NAALADL2: variants seen among roughly 807,000 people sequenced by gnomAD.
The protein encoded by NAALADL2 is inactive N-acetylated-alpha-linked acidic dipeptidase-like protein 2.
NAALADL2 carries 76 observed loss-of-function variants against 87.2 expected under a neutral mutation model. The ratio of observed to expected loss-of-function variants is 0.87; its 90% CI spans 0.72 to 1.05. The LOEUF (loss-of-function observed/expected upper bound fraction) is 1.05, where lower values mean the gene tolerates loss of function less well. NAALADL2 is among the 50% of genes least tolerant of loss of function. The pLI, the probability that NAALADL2 is intolerant of heterozygous loss-of-function variation, is 0.00. For synonymous variants in NAALADL2, 354 were observed against 331.0 expected, an observed-to-expected ratio of 1.07 and a Z score of -0.75; for missense variants, 1,089 against 945.8, an observed-to-expected ratio of 1.15 and a Z score of -1.99.
chr3:175,077,913 A>G (rs918572992), intron 1 of NAALADL2, among the ~76,000 whole-genome samples: 1 of 152,142 alleles, frequency 6.6e-6, no homozygotes, highest in Non-Finnish European at 1.5e-5. Context: ...TGAGACTGGA[A>G]TATATAGTTT....
chr3:174,845,458 G>T (rs1225063867), intron 3 of NAALADL2, among the ~76,000 whole-genome samples: 1 of 152,194 alleles, frequency 6.6e-6, no homozygotes. Flanking sequence ...GGCACCTCTT[G>T]GCTGGCTGTC....
At chr3:175,606,387 C>CTTTTTTTT (rs372448967) in intron 10 of NAALADL2, among the ~76,000 whole-genome samples, 1 of 147,444 alleles carries the variant, frequency 6.8e-6, no homozygotes, top group Non-Finnish European at 1.5e-5. Context: ...AGAAACTAGC[C>CTTTTTTTT]TTTTTTTTTT....
At chr3:175,508,280 G>A (rs1299740419) in intron 9 of NAALADL2, among the ~76,000 whole-genome samples, 1 of 152,034 alleles carries the variant, frequency 6.6e-6, no homozygotes, top group Non-Finnish European at 1.5e-5. Flanking sequence ...GATTTGGTGG[G>A]GACACACATT....
intron 1 of NAALADL2, among the ~76,000 whole-genome samples, chr3:174,993,215 C>G (rs1746978898): frequency 6.6e-6 from 1 of 151,808 alleles, no homozygotes; most frequent in Non-Finnish European, 1.5e-5. Context: ...AGAAAAGAAA[C>G]AATAAGTAAA....
At chr3:174,848,025 C>A (rs1380428658) in intron 3 of NAALADL2, among the ~76,000 whole-genome samples, 1 of 137,660 alleles carries the variant, frequency 7.3e-6, no homozygotes, top group Non-Finnish European at 1.6e-5. Flanking sequence ...TTTTTTACTT[C>A]TTTGCTCCTT....
At chr3:174,597,145 A>C (rs1717994947) in intron 2 of NAALADL2, among the ~76,000 whole-genome samples, 1 of 152,210 alleles carries the variant, frequency 6.6e-6, no homozygotes, top group African/African-American at 2.4e-5. Flanking sequence ...CAATGTATGC[A>C]AAAGGTGCAT....
Position 174,442,835 on chromosome 3 carries a change from C to T in NAALADL2, c.-184+1803C>T, listed in dbSNP as rs1318394948. On this transcript the variant is annotated intron_variant, in intron 1 of 3. Transcript: ENST00000434257. ...TTAGTAATTTAAAATAGGATTTTACCGGAAGTCCTCTGGAGAAGGTGACAT... is the reference window on the plus strand; with the variant it reads ...TTAGTAATTTAAAATAGGATTTTACTGGAAGTCCTCTGGAGAAGGTGACAT... Among the ~76,000 whole-genome samples the T allele has an allele frequency of 3.3e-5, 5 of 152,008 alleles. No homozygotes were observed. In the South Asian group the frequency reaches 6.2e-4, roughly 19 times the overall value.
intron 2 of NAALADL2, among the ~76,000 whole-genome samples, chr3:174,613,185 A>T (rs1296706375): frequency 6.6e-6 from 1 of 152,126 alleles, no homozygotes; most frequent in African/African-American, 2.4e-5. Context: ...CTGGGAGTGG[A>T]GGGACAAAAG....
intron 1 of NAALADL2, among the ~76,000 whole-genome samples, chr3:175,054,877 T>C (rs1285193353): frequency 6.6e-6 from 1 of 152,160 alleles, no homozygotes; most frequent in Non-Finnish European, 1.5e-5. Flanking sequence ...GTAATAAATC[T>C]CCCTCATAAA....
At chr3:174,672,400 A>G (rs962975586) in intron 2 of NAALADL2, among the ~76,000 whole-genome samples, 26 of 152,044 alleles carry the variant, frequency 1.7e-4, no homozygotes, top group African/African-American at 5.3e-4. Flanking sequence ...ATGTTTATTG[A>G]GGGCCTATTA....
chr3:175,006,858 A>C (rs1579980227), intron 1 of NAALADL2, among the ~76,000 whole-genome samples: 1 of 151,134 alleles, frequency 6.6e-6, no homozygotes, highest in Non-Finnish European at 1.5e-5. Flanking sequence ...TTCTTTTTGG[A>C]TGTTGTGAGC....
At chr3:174,951,098 T>C (rs912638387) in intron 1 of NAALADL2, among the ~76,000 whole-genome samples, 1 of 152,232 alleles carries the variant, frequency 6.6e-6, no homozygotes, top group South Asian at 2.1e-4. Context: ...AAGAGAATAA[T>C]GCTTAAAATT....
At chr3:174,694,004 T>G (rs925699704) in intron 2 of NAALADL2, among the ~76,000 whole-genome samples, 1 of 152,266 alleles carries the variant, frequency 6.6e-6, no homozygotes, top group African/African-American at 2.4e-5. Flanking sequence ...TTTGGGGTCA[T>G]ATATTCTTTT....
chr3:174,470,168 T>C (rs1425369565), intron 1 of NAALADL2, among the ~76,000 whole-genome samples: 1 of 152,184 alleles, frequency 6.6e-6, no homozygotes, highest in East Asian at 1.9e-4. Flanking sequence ...TCTGTTATTT[T>C]CTCACTTTTA....
At chr3:174,786,010 A>ATC (rs1716596132) in intron 3 of NAALADL2, among the ~76,000 whole-genome samples, 1 of 152,192 alleles carries the variant, frequency 6.6e-6, no homozygotes, top group African/African-American at 2.4e-5. Flanking sequence ...GAATTACATG[A>ATC]TTAGCTGTGG....
At chr3:175,427,502 C>T (rs1581839740) in intron 5 of NAALADL2, among the ~76,000 whole-genome samples, 1 of 152,292 alleles carries the variant, frequency 6.6e-6, no homozygotes, top group East Asian at 1.9e-4. Flanking sequence ...GCATATTTCA[C>T]ATATATGTTA....
intron 3 of NAALADL2, among the ~76,000 whole-genome samples, chr3:174,848,909 C>G (rs73174778): frequency 0.026 from 3,909 of 152,240 alleles, 75 homozygotes; most frequent in Middle Eastern, 0.041. Flanking sequence ...ATGGTATAGC[C>G]TATTGCTCCT....
At chr3:175,422,900 G>T (rs912797895) in intron 5 of NAALADL2, among the ~76,000 whole-genome samples, 2 of 151,332 alleles carry the variant, frequency 1.3e-5, no homozygotes, top group Non-Finnish European at 2.9e-5. Context: ...TAGGTTTGCA[G>T]CTTGGGGCCA....
At position 175,170,331 on chromosome 3, in the gene NAALADL2, A is replaced by G. The variant is rs116575555; in HGVS notation, c.546-63600A>G. ...TAAATTCTGTTCAATATATGTATAG[A>G]CATATATGAATTTCTTCAAGTATTT... On this transcript the variant is annotated intron_variant, in intron 2 of 13. Coordinates refer to ENST00000454872, the MANE Select transcript of NAALADL2 (RefSeq NM_207015.3). Among the ~76,000 whole-genome samples the G allele has an allele frequency of 5.2e-3, 789 of 150,870 alleles. 7 individuals are homozygous for G. Among genetic ancestry groups the G allele is most frequent in the African/African-American group, 0.018 (739 of 41,406 alleles).
Sources: gnomAD v4.1 joint callset for allele counts (sites outside exome capture counted in the v4.1 genomes callset) on GRCh38, gnomAD v4.1.1 for gene constraint, MANE v1.5 for transcripts, NCBI Gene and HGNC (gene_info 2026-07-23, HGNC 2026-07-21) for gene names.